SCLY: variants seen among roughly 807,000 people sequenced by gnomAD.
SCLY encodes putative selenocysteine lyase.
In SCLY, 38 loss-of-function variants were observed where a neutral mutation model predicts 50.1. The observed-to-expected ratio is 0.76, with a 90% confidence interval of 0.59 to 0.99. The LOEUF is 0.99. Among genes scored for constraint, SCLY ranks in the 50% least tolerant of loss-of-function variants. The pLI, the probability that SCLY is intolerant of heterozygous loss-of-function variation, is 0.00. For synonymous variants in SCLY, 243 were observed against 249.4 expected, an observed-to-expected ratio of 0.97 and a Z score of 0.24; for missense variants, 600 against 620.0, an observed-to-expected ratio of 0.97 and a Z score of 0.34.
chr2:238,083,062 C>T lies in SCLY; in HGVS notation c.778-186C>T, dbSNP rs1265987773. On this transcript the variant is annotated intron_variant, in intron 6 of 11. Coordinates refer to ENST00000254663, the MANE Select transcript of SCLY (RefSeq NM_016510.7). This position sits in a 1 kb window ranked among gnomAD's most constrained non-coding sequence, Gnocchi z 4.3. ...TGCGCTGCCTCCTAGGTTGGGGTTC[C>T]ACCCTGCCCCGAAGGCTTTTGTGAC... The T allele has an allele frequency of 4.4e-6, 3 of 679,108 alleles. No individual in the cohort carries two copies. The East Asian group carries it at 8.8e-5, about 20-fold the overall frequency. 42.1% of individuals were successfully genotyped at this position (679,108 alleles called of 1,614,324 possible).
At position 238,093,923 on chromosome 2, in the gene SCLY, C is replaced by A; in HGVS notation, c.984C>A (p.Asp328Glu). 2 of 1,613,890 alleles carry A rather than the reference C, an allele frequency of 1.2e-6. No homozygotes were observed. The highest frequency in any genetic ancestry group is 1.7e-6 in the Non-Finnish European group (2 of 1,179,984). ...AGGCCCACATGAGGGACGTCCGCGACTACCTGGAAGAGAGGCTGGAAGTGA... is the reference window on the plus strand; with the variant it reads ...AGGCCCACATGAGGGACGTCCGCGAATACCTGGAAGAGAGGCTGGAAGTGA... ...AYEAHMRDVR[D>E]YLEERLEAEF... Residue 328 changes from aspartate to glutamate, a missense_variant, in exon 9 of 12, where the codon GAC becomes GAA. By Grantham distance (45) the Asp-to-Glu change is conservative (BLOSUM62 2). Coordinates refer to ENST00000254663, the MANE Select transcript of SCLY (RefSeq NM_016510.7).
At chr2:238,089,751 C>T (rs1176811476) in intron 7 of SCLY, among the ~76,000 whole-genome samples, 1 of 151,794 alleles carries the variant, frequency 6.6e-6, no homozygotes, top group East Asian at 1.9e-4. Flanking sequence ...CATTAGACAC[C>T]CCTGTCTTAC....
At chr2:238,081,933 G>A (rs1259182713) in intron 5 of SCLY, 97 bp downstream of exon 5, 9 of 1,574,816 alleles carry the variant, frequency 5.7e-6, no homozygotes, top group Middle Eastern at 1.7e-4. Context: ...GGCCTCTCCC[G>A]TTTCTCTGTT....
At chr2:238,062,774 C>G (rs2065030204) in intron 1 of SCLY, among the ~76,000 whole-genome samples, 1 of 152,262 alleles carries the variant, frequency 6.6e-6, no homozygotes. Context: ...TGTCCACACT[C>G]AGTGGCTTAA....
chr2:238,069,406 T>G lies in SCLY; in HGVS notation c.413T>G (p.Phe138Cys), dbSNP rs2065105690. Residue 138 changes from phenylalanine to cysteine, a missense_variant, in exon 4 of 12, where the codon TTC (phenylalanine) becomes TGC (cysteine). By Grantham distance (205) the Phe-to-Cys change is radical. Coordinates refer to ENST00000254663, the MANE Select transcript of SCLY (RefSeq NM_016510.7). The surrounding 1 kb of genome is among the most constrained non-coding windows in gnomAD (Gnocchi z 5.0). ...CCAGTGAAGGGGGCCAAGCCCCATT[T>G]CATTACTTCCTCGGTGGAACACGAC... The part of the protein sequence containing the change: ...HSPVKGAKPH[F>C]ITSSVEHDSI... The G allele has an allele frequency of 6.2e-7, 1 of 1,613,872 alleles. No homozygotes were observed. Among genetic ancestry groups the G allele is most frequent in the Admixed American group, 1.7e-5 (1 of 59,948 alleles).
chr2:238,064,734 C>G, intron 2 of SCLY: 1 of 249,386 alleles, frequency 4.0e-6, no homozygotes. Context: ...AAGGTGTCTA[C>G]TGAGAGTTCC....
In SCLY at chr2:238,067,056, G is replaced by A. The variant is rs1045490763; in HGVS notation, c.203-1009G>A. On this transcript the variant is annotated intron_variant, in intron 2 of 11. Transcript: ENST00000254663. This position sits in a 1 kb window ranked among gnomAD's most constrained non-coding sequence, Gnocchi z 4.3. ...CCCTCTGATGACGTGGGAATTATGG[G>A]AGCTACAATTCAAGATGAGATTTGG... Among the ~76,000 whole-genome samples the A allele has an allele frequency of 6.6e-5, 10 of 152,148 alleles. No homozygotes were observed. Among genetic ancestry groups the A allele is most frequent in the African/African-American group, 2.2e-4 (9 of 41,442 alleles).
chr2:238,063,949 T>C (rs2065044425), intron 1 of SCLY, among the ~76,000 whole-genome samples: 1 of 152,154 alleles, frequency 6.6e-6, no homozygotes, highest in Non-Finnish European at 1.5e-5. Context: ...TTGCCCGGGC[T>C]GGAGTGCAGT....
chr2:238,061,308 G>T (rs1427681980), intron 1 of SCLY, 165 bp downstream of exon 1: 1 of 718,700 alleles, frequency 1.4e-6, no homozygotes, highest in South Asian at 1.5e-5. Context: ...GCTTCAAGGA[G>T]GAGCGGGTGC....
At chr2:238,072,674 T>C (rs552912314) in intron 4 of SCLY, among the ~76,000 whole-genome samples, 70 of 152,364 alleles carry the variant, frequency 4.6e-4, no homozygotes, top group Admixed American at 2.0e-3. Flanking sequence ...GCCATTTGTA[T>C]ATATCTTCTT....
chr2:238,094,242 G>T, intron 9 of SCLY, 178 bp from the exon 10 acceptor site: 1 of 631,136 alleles, frequency 1.6e-6, no homozygotes, highest in Non-Finnish European at 2.8e-6. Context: ...TGAATATTTG[G>T]TTTTTCTCCT....
At chr2:238,078,573 A>G (rs1436721834) in intron 4 of SCLY, 4 of 152,144 alleles carry the variant, frequency 2.6e-5, no homozygotes, top group African/African-American at 9.7e-5. Context: ...ATTTAATTCC[A>G]GTAAGATGTA....
At chr2:238,073,764 T>A (rs1202415505) in intron 4 of SCLY, 2 of 467,030 alleles carry the variant, frequency 4.3e-6, no homozygotes, top group Non-Finnish European at 8.8e-6. Context: ...CAACCCCTCT[T>A]CTTCTTCCTC....
At position 238,093,401 on chromosome 2, in the gene SCLY, C is replaced by T. The variant is rs375954180; in HGVS notation, c.922-460C>T. 2.6e-4 allele frequency: 50 copies of T among 193,656 alleles called. No homozygotes were observed. The South Asian group carries it at 4.9e-3, about 19-fold the overall frequency. 12.0% of individuals were successfully genotyped at this position (193,656 alleles called of 1,614,324 possible). A position where few individuals can be genotyped will look rare whatever the true frequency, so the allele number is the denominator to read the frequency against. On this transcript the variant is annotated intron_variant, in intron 8 of 11. Coordinates refer to ENST00000254663, the MANE Select transcript of SCLY (RefSeq NM_016510.7). ...CCCCCTCCACACTCTCCACCCGCCA[C>T]GCCAGGCCCCTCTGTTCTAGAGACA...
At chr2:238,064,937 T>G (rs367788594) in intron 2 of SCLY, 6 of 152,300 alleles carry the variant, frequency 3.9e-5, no homozygotes, top group African/African-American at 1.4e-4. Flanking sequence ...ATTCTTATTG[T>G]AATGTAGACC....
chr2:238,069,177 T>G lies in SCLY; in HGVS notation c.304-120T>G, dbSNP rs985069122. ...TTTCAAAAGGTCCCACTCAGGAAGT[T>G]GAATTTCTTTGAAGCTTTTTTGATG... is the stretch of plus-strand genomic sequence containing the variant. On this transcript the variant is annotated intron_variant, in intron 3 of 11. Transcript: ENST00000254663. This position sits in a 1 kb window ranked among gnomAD's most constrained non-coding sequence, Gnocchi z 5.0. The G allele has an allele frequency of 1.1e-6, 1 of 910,306 alleles. No individual in the cohort carries two copies. Among genetic ancestry groups the G allele is most frequent in the Admixed American group, 3.3e-5 (1 of 30,018 alleles). The allele number at this position is 910,306 out of a possible 1,614,324, so 56.4% of individuals were successfully genotyped here. A position where few individuals can be genotyped will look rare whatever the true frequency, so the allele number is the denominator to read the frequency against.
intron 4 of SCLY, chr2:238,079,068 C>CTTTTTTTTTTTTTTT (rs59238768): frequency 1.2e-4 from 11 of 93,184 alleles, no homozygotes; most frequent in Non-Finnish European, 2.0e-4. Context: ...CTTTCTTTTT[C>CTTTTTTTTTTTTTTT]TTTTTTTTTT....
intron 8 of SCLY, chr2:238,093,654 C>A (rs1157187139): frequency 8.5e-6 from 5 of 591,656 alleles, no homozygotes; most frequent in African/African-American, 7.4e-5. Context: ...ATCTCCAGTG[C>A]CTGGTGCTGT....
At chr2:238,071,424 T>C (rs986780533) in intron 4 of SCLY, among the ~76,000 whole-genome samples, 9 of 151,982 alleles carry the variant, frequency 5.9e-5, no homozygotes, top group African/African-American at 1.9e-4. Flanking sequence ...CTGGCCAACA[T>C]AGCAACCCCG....
Sources: allele counts gnomAD v4.1 joint callset (sites outside exome capture counted in the v4.1 genomes callset), GRCh38; gene constraint gnomAD v4.1.1; non-coding constraint Gnocchi (gnomAD v3.1); transcripts MANE v1.5; gene names NCBI Gene and HGNC (gene_info 2026-07-23, HGNC 2026-07-21).